The following DGLUCY variants were observed in gnomAD, a reference collection of about 807,000 sequenced individuals.
The protein encoded by DGLUCY is D-glutamate cyclase, also known as D-glutamate cyclase, mitochondrial.
Under a neutral mutation model 58.5 loss-of-function variants are expected in DGLUCY, and 58 were observed. The ratio of observed to expected loss-of-function variants is 0.99; its 90% CI spans 0.80 to 1.23. The LOEUF (loss-of-function observed/expected upper bound fraction) is 1.23. DGLUCY is among the 50% of genes most tolerant of loss of function. DGLUCY has a pLI of 0.00. For missense variants in DGLUCY, 779 were observed against 784.7 expected (o/e 0.99, Z 0.09); for synonymous variants, 325 against 314.1 (o/e 1.03, Z -0.37).
rs144945750 is a variant in DGLUCY at position 91,126,162 on chromosome 14, G to C, written c.-82+11879G>C. Among the ~76,000 whole-genome samples, 61 of 152,234 alleles carry C rather than the reference G, an allele frequency of 4.0e-4. 2 individuals are homozygous for C. Among genetic ancestry groups the C allele is most frequent in the Admixed American group, 3.1e-3 (48 of 15,290 alleles). ...TGCCACAACAAATCCCAACTTACTT[G>C]GTGGCTAAAAGCAACAGAAATCTCT... is the stretch of plus-strand genomic sequence containing the variant. On this transcript the variant is annotated intron_variant, in intron 1 of 13. Transcript: ENST00000256324.
At chr14:91,215,868 A>G in intron 13 of DGLUCY, 1 of 756,176 alleles carries the variant, frequency 1.3e-6, no homozygotes, top group Non-Finnish European at 1.9e-6. Context: ...TTGTTGGAGG[A>G]ACCGAATGCC....
At chr14:91,173,184 C>G in intron 5 of DGLUCY, 105 bp from the exon 6 acceptor site, 6,303 of 976,362 alleles carry the variant, frequency 6.5e-3, no homozygotes, top group Non-Finnish European at 8.8e-3. Context: ...ATAACAGCTA[C>G]TCCTCCTTCA....
chr14:91,085,361 G>T lies in DGLUCY; in HGVS notation c.-82+24657G>T, dbSNP rs1287367532. 2.0e-5 allele frequency among the ~76,000 whole-genome samples: 3 copies of T among 152,050 alleles called. No homozygotes were observed. The South Asian group carries it at 6.2e-4, about 32-fold the overall frequency. On this transcript the variant is annotated intron_variant, in intron 1 of 4. Transcript: ENST00000521334. ...TGGGAAACTCCTGCTCTCTTCAAGG[G>T]CCAACTCAAAGGCCCCTCCTGGGCT...
chr14:91,175,993 C>G lies in DGLUCY; in HGVS notation c.667C>G (p.Pro223Ala), dbSNP rs2048831188. 6.2e-7 allele frequency: 1 copy of G among 1,613,990 alleles called. No homozygotes were observed. The highest frequency in any genetic ancestry group is 8.5e-7 in the Non-Finnish European group (1 of 1,179,986). The change falls in exon 7 of 14, where the codon CCA (proline) becomes GCA (alanine). Residue 223 changes from proline (P) to alanine (A), a missense_variant. Transcript: ENST00000256324. ...PAYGDAMVCP[P>A]GEVPVFWPSP... is the part of the protein sequence containing the mutation. ...CTACGGGGATGCCATGGTGTGTCCCCCAGGGGAGGTTCCAGTGTTCTGGCC... is the reference window on the plus strand; with the variant it reads ...CTACGGGGATGCCATGGTGTGTCCCGCAGGGGAGGTTCCAGTGTTCTGGCC...
chr14:91,108,297 T>A (rs2044625670), intron 1 of DGLUCY, among the ~76,000 whole-genome samples: 1 of 151,978 alleles, frequency 6.6e-6, no homozygotes, highest in African/African-American at 2.4e-5. Flanking sequence ...TGTGGTAACT[T>A]TGATTTTAAA....
chr14:91,128,876 A>C (rs1475967146), intron 1 of DGLUCY: 1 of 151,988 alleles, frequency 6.6e-6, no homozygotes, highest in East Asian at 1.9e-4. Context: ...TACCCTGGTT[A>C]GTTGGCCTGA....
chr14:91,116,552 G>A (rs767197529), intron 1 of DGLUCY, among the ~76,000 whole-genome samples: 1 of 152,106 alleles, frequency 6.6e-6, no homozygotes, highest in Non-Finnish European at 1.5e-5. Context: ...ACCAGAAAGG[G>A]GCCTCAAACC....
intron 3 of DGLUCY, chr14:91,165,157 G>T (rs1270222126): frequency 8.9e-6 from 4 of 450,178 alleles, no homozygotes; most frequent in African/African-American, 2.0e-5. Flanking sequence ...TCATTACCTA[G>T]TATAGTTCCT....
chr14:91,194,685 C>G (rs1194679221), intron 9 of DGLUCY, among the ~76,000 whole-genome samples: 1 of 151,956 alleles, frequency 6.6e-6, no homozygotes, highest in Non-Finnish European at 1.5e-5. Flanking sequence ...GGATTACAGG[C>G]GCCCGCCACC....
chr14:91,168,378 C>T (rs374491250), intron 4 of DGLUCY, among the ~76,000 whole-genome samples: 1 of 152,108 alleles, frequency 6.6e-6, no homozygotes, highest in South Asian at 2.1e-4. Context: ...CTCCCCTGAC[C>T]CCTGACACTC....
intron 1 of DGLUCY, among the ~76,000 whole-genome samples, chr14:91,066,479 C>G (rs557126667): frequency 6.6e-6 from 1 of 152,114 alleles, no homozygotes; most frequent in South Asian, 2.1e-4. Context: ...CGTGCTCACC[C>G]CCTTTTGTTG....
intron 9 of DGLUCY, among the ~76,000 whole-genome samples, chr14:91,190,307 C>T (rs190126579): frequency 6.6e-6 from 1 of 151,952 alleles, no homozygotes; most frequent in Admixed American, 6.6e-5. Flanking sequence ...TCTTGAGATC[C>T]ACCCGTGAGC....
intron 5 of DGLUCY, among the ~76,000 whole-genome samples, chr14:91,172,145 A>C (rs1284315568): frequency 6.6e-6 from 1 of 152,160 alleles, no homozygotes; most frequent in African/African-American, 2.4e-5. Context: ...GTCACAGCTC[A>C]CTGCAGCCTC....
chr14:91,155,448 TA>T (rs1420777678), intron 1 of DGLUCY, among the ~76,000 whole-genome samples: 1 of 152,238 alleles, frequency 6.6e-6, no homozygotes, highest in African/African-American at 2.4e-5. Flanking sequence ...ATACAACTTC[TA>T]AAATCCTTGG....
intron 13 of DGLUCY, chr14:91,215,871 C>T (rs1031482416): frequency 4.7e-5 from 34 of 724,454 alleles, no homozygotes; most frequent in Non-Finnish European, 6.1e-5. Flanking sequence ...TTGGAGGAAC[C>T]GAATGCCTCA....
At chr14:91,131,622 C>T (rs569937851) in intron 1 of DGLUCY, among the ~76,000 whole-genome samples, 2 of 152,120 alleles carry the variant, frequency 1.3e-5, no homozygotes, top group Admixed American at 1.3e-4. Flanking sequence ...CCTCTTCCCC[C>T]ACCCCACCAC....
rs916373782 is a variant in DGLUCY, at chr14:91,060,614, C to A, written c.-172C>A. On this transcript the variant is annotated 5_prime_UTR_variant, in exon 1 of 5. Coordinates refer to the DGLUCY transcript ENST00000521334. Reference sequence around the variant, plus strand: ...CGCACGGCTCGCTCCTCGCCTCCTCCCCCTTCGGCGGGCACCGCTAGTACC... The same window carrying A: ...CGCACGGCTCGCTCCTCGCCTCCTCACCCTTCGGCGGGCACCGCTAGTACC... 7.0e-6 allele frequency: 6 copies of A among 853,678 alleles called. No individual in the cohort carries two copies. In the Admixed American group the frequency reaches 1.8e-4, roughly 25 times the overall value. 52.9% of individuals were successfully genotyped at this position (853,678 alleles called of 1,614,324 possible).
intron 1 of DGLUCY, among the ~76,000 whole-genome samples, chr14:91,135,034 C>T (rs1487229577): frequency 6.6e-6 from 1 of 151,902 alleles, no homozygotes; most frequent in Non-Finnish European, 1.5e-5. Context: ...AAGCAATCCT[C>T]CCACTAGCCT....
At chr14:91,159,321 C>T (rs774237219) in intron 2 of DGLUCY, among the ~76,000 whole-genome samples, 4 of 152,062 alleles carry the variant, frequency 2.6e-5, no homozygotes, top group Non-Finnish European at 4.4e-5. Flanking sequence ...GTGGCACATA[C>T]CTGTAATCCC....
Sources: allele counts gnomAD v4.1 joint callset (sites outside exome capture counted in the v4.1 genomes callset), GRCh38; gene constraint gnomAD v4.1.1; transcripts MANE v1.5; gene names NCBI Gene and HGNC (gene_info 2026-07-23, HGNC 2026-07-21).